Variants in BLTP1 observed in about 807,000 individuals in gnomAD.
BLTP1 encodes bridge-like lipid transfer protein family member 1.
the BLTP1 span, chr4:122,301,330 A>G: frequency 2.5e-6 from 4 of 1,604,832 alleles, no homozygotes; most frequent in Non-Finnish European, 3.4e-6. Context: ...CTCTGGAACG[A>G]ACATGATGGA....
the BLTP1 span, chr4:122,182,958 A>G: frequency 9.2e-6 from 9 of 983,568 alleles, no homozygotes; most frequent in Non-Finnish European, 1.1e-5. Flanking sequence ...TCTTGACTTC[A>G]TACGTGTATT....
chr4:122,313,317 A>G, the BLTP1 span, among the ~76,000 whole-genome samples: 840 of 152,290 alleles, frequency 5.5e-3, 2 homozygotes, highest in Non-Finnish European at 9.2e-3. Context: ...TAAGCCATCT[A>G]GAGTGTCAGA....
chr4:122,349,627 G>A, the BLTP1 span: 16 of 1,601,238 alleles, frequency 1.0e-5, no homozygotes, highest in Non-Finnish European at 1.3e-5. The surrounding 1 kb of genome is among the most constrained non-coding windows in gnomAD (Gnocchi z 4.5). Flanking sequence ...TTGGATTCAA[G>A]CATAACTGAT....
At chr4:122,291,682 T>C in the BLTP1 span, 1 of 959,476 alleles carries the variant, frequency 1.0e-6, no homozygotes, top group Non-Finnish European at 1.2e-6. Context: ...CTATTTTTAA[T>C]GTACAGCCAT....
chr4:122,298,067 AAAAG>A, the BLTP1 span: 2,581 of 591,306 alleles, frequency 4.4e-3, 8 homozygotes, highest in South Asian at 0.02. Context: ...AGGTTGAAGA[AAAAG>A]AAAAGACAAG....
chr4:122,263,625 C>CT, the BLTP1 span: 1 of 1,462,750 alleles, frequency 6.8e-7, no homozygotes, highest in Non-Finnish European at 9.4e-7. Flanking sequence ...CATTATTTTG[C>CT]TTAACTGTCT....
At chr4:122,336,819 A>T in the BLTP1 span, 2 of 1,503,684 alleles carry the variant, frequency 1.3e-6, no homozygotes. Context: ...AACAATAAGG[A>T]TCTTTTAATA....
At chr4:122,189,035 T>C in the BLTP1 span, 1 of 984,428 alleles carries the variant, frequency 1.0e-6, no homozygotes, top group Non-Finnish European at 1.2e-6. Context: ...GAATGTGGAC[T>C]GTGCACACAA....
the BLTP1 span, chr4:122,257,495 G>A: frequency 6.2e-7 from 1 of 1,613,896 alleles, no homozygotes; most frequent in Non-Finnish European, 8.5e-7. Flanking sequence ...GTTCGATGCA[G>A]GTAGTTTTGT....
chr4:122,355,136 A>G, the BLTP1 span, among the ~76,000 whole-genome samples: 1 of 152,130 alleles, frequency 6.6e-6, no homozygotes, highest in African/African-American at 2.4e-5. Flanking sequence ...CCTTCCAAAC[A>G]GGGATTTGGG....
the BLTP1 span, chr4:122,345,077 A>G: frequency 3.8e-3 from 3,600 of 937,744 alleles, 102 homozygotes; most frequent in African/African-American, 0.058. Context: ...ACTGAGTAAA[A>G]ACTTTCATAA....
chr4:122,348,675 T>G, the BLTP1 span: 1 of 1,611,674 alleles, frequency 6.2e-7, no homozygotes, highest in Admixed American at 1.7e-5. Flanking sequence ...TTGAAGCAAT[T>G]AAACGTTCAA....
the BLTP1 span, chr4:122,346,893 C>CCT: frequency 7.0e-7 from 1 of 1,432,960 alleles, no homozygotes; most frequent in African/African-American, 1.4e-5. Flanking sequence ...CCATTGGGCC[C>CCT]CTCTAATATG....
chr4:122,235,112 A>G, the BLTP1 span: 3 of 1,153,278 alleles, frequency 2.6e-6, no homozygotes, highest in Non-Finnish European at 2.5e-6. Context: ...ACTCTGTTCA[A>G]CTCAATTTAC....
At chr4:122,315,697 A>T in the BLTP1 span, 1 of 1,612,998 alleles carries the variant, frequency 6.2e-7, no homozygotes, top group East Asian at 2.2e-5. Context: ...CTGTAAGTAA[A>T]CTCACTGTTA....
the BLTP1 span, among the ~76,000 whole-genome samples, chr4:122,317,467 G>T: frequency 6.6e-6 from 1 of 152,030 alleles, no homozygotes; most frequent in Non-Finnish European, 1.5e-5. Flanking sequence ...ATCTTCACAG[G>T]CATATATAAA....
chr4:122,197,935 GA>G, the BLTP1 span: 1 of 980,098 alleles, frequency 1.0e-6, no homozygotes. Flanking sequence ...CAGTTAAGAT[GA>G]AATTCTGCTT....
At chr4:122,314,330 GA>G in the BLTP1 span, among the ~76,000 whole-genome samples, 1 of 152,106 alleles carries the variant, frequency 6.6e-6, no homozygotes, top group Non-Finnish European at 1.5e-5. Context: ...TAAGGAGTTT[GA>G]TTTGGTGGGT....
the BLTP1 span, chr4:122,224,253 A>C: frequency 2.9e-6 from 1 of 346,718 alleles, no homozygotes; most frequent in Non-Finnish European, 4.1e-6. Flanking sequence ...AGATCTGTCT[A>C]CTATTTAAGA....
Sources: allele counts gnomAD v4.1 joint callset (sites outside exome capture counted in the v4.1 genomes callset), GRCh38; gene constraint gnomAD v4.1.1; non-coding constraint Gnocchi (gnomAD v3.1); transcripts MANE v1.5; gene names NCBI Gene and HGNC (gene_info 2026-07-23, HGNC 2026-07-21).